Variants in CACNA1E observed in about 807,000 individuals in gnomAD.
The protein encoded by CACNA1E is voltage-dependent R-type calcium channel subunit alpha-1E.
Under a neutral mutation model 259.2 loss-of-function variants are expected in CACNA1E, and 40 were observed. That is an observed-to-expected ratio of 0.15 (90% CI 0.12 to 0.20). The LOEUF is 0.20. CACNA1E is among the 10% of genes least tolerant of loss of function. The pLI is 1.00. For synonymous variants in CACNA1E, 1,104 were observed against 1,138.5 expected, an observed-to-expected ratio of 0.97 and a Z score of 0.61; for missense variants, 1,874 against 3,040.1, an observed-to-expected ratio of 0.62 and a Z score of 9.02.
At position 181,798,521 on chromosome 1, in the gene CACNA1E, C is replaced by T. The variant is rs775695639; in HGVS notation, c.6629C>T (p.Ser2210Phe). 1.2e-6 allele frequency: 2 copies of T among 1,613,924 alleles called. No individual in the cohort carries two copies. Among genetic ancestry groups the T allele is most frequent in the Non-Finnish European group, 1.7e-6 (2 of 1,179,902 alleles). ...LESNNACLTE[S>F]SNSPHPQQSQ... The stretch of plus-strand genomic sequence containing the variant: ...AGCAACAATGCTTGCCTGACCGAGT[C>T]TTCCAACTCTCCGCACCCCCAGCAG... Residue 2210 changes from serine to phenylalanine, a missense_variant, in exon 48 of 48, where the codon TCT becomes TTT. By Grantham distance (155) the Ser-to-Phe change is radical (BLOSUM62 -2). Transcript: ENST00000367573. The surrounding 1 kb of genome is among the most constrained non-coding windows in gnomAD (Gnocchi z 4.2).
chr1:181,786,070 C>T (rs1333058126), intron 43 of CACNA1E, among the ~76,000 whole-genome samples: 1 of 152,174 alleles, frequency 6.6e-6, no homozygotes. Context: ...GGGAGTTTGA[C>T]TTCTTTTAAT....
chr1:181,358,031 TC>T (rs1467008777), intron 1 of CACNA1E, among the ~76,000 whole-genome samples: 2 of 152,130 alleles, frequency 1.3e-5, no homozygotes, highest in Non-Finnish European at 2.9e-5. Flanking sequence ...GGAGGTTTGG[TC>T]CTCTTCTAGT....
At position 181,483,670 on chromosome 1, in the gene CACNA1E, C is replaced by G; in HGVS notation, c.-75C>G. ...GATGCGGCTCTGAGTCTCCGTGTGT[C>G]TTTCTGCTTGTTGCTGTGTGCGGGT... On this transcript the variant is annotated 5_prime_UTR_variant, in exon 1 of 48. Transcript: ENST00000367573. 9.4e-7 allele frequency: 1 copy of G among 1,066,248 alleles called. No homozygotes were observed. The highest frequency in any genetic ancestry group is 1.3e-6 in the Non-Finnish European group (1 of 759,018). The allele number at this position is 1,066,248 out of a possible 1,614,324, so 66.0% of individuals were successfully genotyped here. A position where few individuals can be genotyped will look rare whatever the true frequency, so the allele number is the denominator to read the frequency against.
chr1:181,318,333 G>C (rs901248152), intron 1 of CACNA1E, among the ~76,000 whole-genome samples: 1 of 152,128 alleles, frequency 6.6e-6, no homozygotes, highest in Non-Finnish European at 1.5e-5. Context: ...TCCTCTGCAC[G>C]CTCTGTCCGT....
In CACNA1E at chr1:181,776,095, C is replaced by T. The variant is rs1309903192; in HGVS notation, c.5140-6C>T. The T allele has an allele frequency of 1.2e-6, 2 of 1,611,918 alleles. No individual in the cohort carries two copies. Among genetic ancestry groups the T allele is most frequent in the African/African-American group, 2.7e-5 (2 of 74,914 alleles). ...CCTAACCCCTCTTCTTCCCCTTGCC[C>T]TTCAGATGCTCAACCTGTTTGTGGC... is the stretch of plus-strand genomic sequence containing the variant. On this transcript the variant is annotated splice_polypyrimidine_tract_variant and splice_region_variant and intron_variant, in intron 37 of 47. Transcript: ENST00000367573. This position sits in a 1 kb window ranked among gnomAD's most constrained non-coding sequence, Gnocchi z 4.4.
At chr1:181,450,139 A>G (rs369498916) in intron 2 of CACNA1E, among the ~76,000 whole-genome samples, 8 of 152,182 alleles carry the variant, frequency 5.3e-5, no homozygotes, top group African/African-American at 1.9e-4. Context: ...CAAAGGGGGA[A>G]GGGCTACACA....
intron 7 of CACNA1E, among the ~76,000 whole-genome samples, chr1:181,696,101 C>G (rs1021873445): frequency 6.6e-6 from 1 of 152,056 alleles, no homozygotes; most frequent in Non-Finnish European, 1.5e-5. Context: ...GAAATCAAAA[C>G]AATTAATAAG....
chr1:181,730,738 T>G (rs534587804), intron 18 of CACNA1E, among the ~76,000 whole-genome samples: 1 of 152,314 alleles, frequency 6.6e-6, no homozygotes, highest in Non-Finnish European at 1.5e-5. Context: ...ATGGGAGTCA[T>G]GAGCTGGGGA....
intron 6 of CACNA1E, among the ~76,000 whole-genome samples, chr1:181,615,477 C>T (rs1482672108): frequency 6.6e-6 from 1 of 152,144 alleles, no homozygotes; most frequent in Non-Finnish European, 1.5e-5. Context: ...TGTGAGCCAC[C>T]ATGCCTGGCT....
chr1:181,612,926 G>A (rs1572378677), intron 6 of CACNA1E, among the ~76,000 whole-genome samples: 1 of 152,286 alleles, frequency 6.6e-6, no homozygotes, highest in East Asian at 1.9e-4. Context: ...ATTTTTATGT[G>A]TGTTGTGAGC....
chr1:181,343,952 G>T (rs1017158210), intron 1 of CACNA1E, among the ~76,000 whole-genome samples: 5 of 151,998 alleles, frequency 3.3e-5, no homozygotes, highest in African/African-American at 4.8e-5. Context: ...CCCTTCCCTT[G>T]TCCCTACCCC....
At chr1:181,770,962 A>G (rs548810394) in intron 35 of CACNA1E, among the ~76,000 whole-genome samples, 26 of 152,310 alleles carry the variant, frequency 1.7e-4, no homozygotes, top group Non-Finnish European at 3.2e-4. Context: ...ACGCTTGAGT[A>G]CCATGGTGAC....
At position 181,803,912 on chromosome 1, in the gene CACNA1E, T is replaced by G. The variant is rs1157306695; in HGVS notation, c.*5078T>G. ...ACAGCAAAGTCCAATTGATGGCTTT[T>G]GAGGCTGGGACACCCCCAAACTGCC... is the stretch of plus-strand genomic sequence containing the variant. On this transcript the variant is annotated 3_prime_UTR_variant, in exon 48 of 48. Transcript: ENST00000367573. The G allele has an allele frequency of 6.6e-6, 1 of 152,220 alleles. No individual in the cohort carries two copies. Among genetic ancestry groups the G allele is most frequent in the Non-Finnish European group, 1.5e-5 (1 of 68,036 alleles). The allele number at this position is 152,220 out of a possible 1,614,324, so 9.4% of individuals were successfully genotyped here. A position where few individuals can be genotyped will look rare whatever the true frequency, so the allele number is the denominator to read the frequency against.
chr1:181,417,304 T>C (rs1012196341), intron 2 of CACNA1E, among the ~76,000 whole-genome samples: 1 of 152,186 alleles, frequency 6.6e-6, no homozygotes, highest in African/African-American at 2.4e-5. Context: ...TGAAGTCTCC[T>C]CCTACCCTCT....
At chr1:181,750,789 CA>C (rs1372423142) in intron 26 of CACNA1E, among the ~76,000 whole-genome samples, 1 of 152,162 alleles carries the variant, frequency 6.6e-6, no homozygotes, top group Non-Finnish European at 1.5e-5. Context: ...CACATCAGTG[CA>C]AGGCTTTTGG....
chr1:181,742,636 C>T (rs1371282406), intron 25 of CACNA1E, among the ~76,000 whole-genome samples: 1 of 152,176 alleles, frequency 6.6e-6, no homozygotes, highest in Non-Finnish European at 1.5e-5. Flanking sequence ...CCAGAGCCTT[C>T]TCAGACCCTG....
chr1:181,745,336 T>G (rs1321514822), intron 25 of CACNA1E: 1 of 497,846 alleles, frequency 2.0e-6, no homozygotes, highest in Non-Finnish European at 3.9e-6. Flanking sequence ...AAGTATTTTT[T>G]TTTTTTTTAA....
At chr1:181,517,699 G>A (rs115341942) in intron 3 of CACNA1E, among the ~76,000 whole-genome samples, 25 of 152,154 alleles carry the variant, frequency 1.6e-4, no homozygotes, top group Admixed American at 3.3e-4. Context: ...CCAGCTTCTC[G>A]CCAGTGGCAC....
At chr1:181,437,316 C>T (rs1307652426) in intron 2 of CACNA1E, among the ~76,000 whole-genome samples, 3 of 152,240 alleles carry the variant, frequency 2.0e-5, no homozygotes, top group Middle Eastern at 3.4e-3. Context: ...TCCAGCTCTA[C>T]TAGATCATCC....
Sources: gnomAD v4.1 joint callset for allele counts (sites outside exome capture counted in the v4.1 genomes callset) on GRCh38, gnomAD v4.1.1 for gene constraint, Gnocchi (gnomAD v3.1) non-coding constraint, MANE v1.5 for transcripts, NCBI Gene and HGNC (gene_info 2026-07-23, HGNC 2026-07-21) for gene names.